Variants in CTNNA2 observed in about 807,000 individuals in gnomAD.
CTNNA2 encodes the protein catenin alpha-2.
In CTNNA2, 42 loss-of-function variants were observed where a neutral mutation model predicts 101.0. The ratio of observed to expected loss-of-function variants is 0.42; its 90% CI spans 0.32 to 0.54. The LOEUF is 0.54. Among genes scored for constraint, CTNNA2 ranks in the 20% least tolerant of loss-of-function variants. CTNNA2 has a pLI of 0.14. For synonymous variants in CTNNA2, 450 were observed against 456.4 expected, an observed-to-expected ratio of 0.99 and a Z score of 0.18; for missense variants, 871 against 1,223.1, an observed-to-expected ratio of 0.71 and a Z score of 4.29.
At chr2:79,616,254 A>G (rs943302759) in intron 1 of CTNNA2, among the ~76,000 whole-genome samples, 1 of 152,170 alleles carries the variant, frequency 6.6e-6, no homozygotes, top group Non-Finnish European at 1.5e-5. Flanking sequence ...TTAAAGTAGC[A>G]ATTCAATATG....
chr2:79,329,939 A>C (rs1317101143), intron 3 of CTNNA2, among the ~76,000 whole-genome samples: 1 of 152,158 alleles, frequency 6.6e-6, no homozygotes, highest in Non-Finnish European at 1.5e-5. Context: ...TTGCCCCAGC[A>C]GGGTGGGTGC....
chr2:79,910,287 T>G (rs1371806705), intron 7 of CTNNA2, among the ~76,000 whole-genome samples: 1 of 152,098 alleles, frequency 6.6e-6, no homozygotes, highest in Non-Finnish European at 1.5e-5. Context: ...GTAGTAAAAT[T>G]TGGAGGTGTT....
intron 3 of CTNNA2, among the ~76,000 whole-genome samples, chr2:79,320,435 T>G: frequency 7.2e-6 from 1 of 139,132 alleles, no homozygotes; most frequent in South Asian, 2.4e-4. Flanking sequence ...TTTATTGTAC[T>G]TCTAACCAAC....
chr2:79,800,213 C>T (rs957370235), intron 3 of CTNNA2, among the ~76,000 whole-genome samples: 2 of 152,076 alleles, frequency 1.3e-5, no homozygotes, highest in African/African-American at 2.4e-5. Context: ...AGAGATTTTA[C>T]GGTAGTTTGG....
chr2:80,259,010 A>G (rs1335320485), intron 7 of CTNNA2, among the ~76,000 whole-genome samples: 3 of 152,122 alleles, frequency 2.0e-5, no homozygotes, highest in Non-Finnish European at 4.4e-5. Flanking sequence ...TAGTAGAATT[A>G]TCAGTGTCAA....
chr2:80,062,176 T>A (rs1697641847), intron 7 of CTNNA2, among the ~76,000 whole-genome samples: 1 of 152,258 alleles, frequency 6.6e-6, no homozygotes, highest in South Asian at 2.1e-4. Context: ...AATGGTCCTT[T>A]TAATTCCTGT....
chr2:80,473,856 T>C (rs888112130), intron 9 of CTNNA2, among the ~76,000 whole-genome samples: 1 of 152,222 alleles, frequency 6.6e-6, no homozygotes, highest in African/African-American at 2.4e-5. Context: ...GTTTGTTTTT[T>C]GTCTTTGTGT....
chr2:79,705,338 A>G (rs1685284050), intron 2 of CTNNA2, among the ~76,000 whole-genome samples: 1 of 152,222 alleles, frequency 6.6e-6, no homozygotes, highest in African/African-American at 2.4e-5. Flanking sequence ...CCACATTTAC[A>G]TAATTTTTAT....
At chr2:80,589,072 C>T (rs1183932564) in intron 14 of CTNNA2, among the ~76,000 whole-genome samples, 2 of 152,072 alleles carry the variant, frequency 1.3e-5, no homozygotes, top group Non-Finnish European at 2.9e-5. Context: ...GCGCACGTAG[C>T]TTTGGATATC....
chr2:79,932,345 T>G (rs1339275790), intron 7 of CTNNA2, among the ~76,000 whole-genome samples: 1 of 152,098 alleles, frequency 6.6e-6, no homozygotes, highest in Non-Finnish European at 1.5e-5. Context: ...GAAAGCTAAC[T>G]GTGTGATGGA....
intron 1 of CTNNA2, among the ~76,000 whole-genome samples, chr2:79,522,170 A>T (rs994372498): frequency 6.6e-6 from 1 of 152,134 alleles, no homozygotes; most frequent in Non-Finnish European, 1.5e-5. Context: ...TAGGAGCCGC[A>T]CCTTCCATTT....
intron 1 of CTNNA2, among the ~76,000 whole-genome samples, chr2:79,640,692 T>C (rs1206592227): frequency 1.3e-5 from 2 of 152,188 alleles, no homozygotes; most frequent in African/African-American, 2.4e-5. Context: ...ATTGAAAAGA[T>C]AAAGAATTGA....
intron 4 of CTNNA2, among the ~76,000 whole-genome samples, chr2:79,869,267 TTGC>T (rs1682393118): frequency 6.6e-6 from 1 of 152,164 alleles, no homozygotes; most frequent in African/African-American, 2.4e-5. Context: ...TCAAATTCAC[TTGC>T]TTTCAAGGAA....
intron 2 of CTNNA2, among the ~76,000 whole-genome samples, chr2:79,294,214 GGAAGAAGAA>G (rs755348814): frequency 6.8e-6 from 1 of 147,450 alleles, no homozygotes; most frequent in East Asian, 2.0e-4. Flanking sequence ...AAGAAGAAGA[GGAAGAAGAA>G]GAAGAAGAAG....
At chr2:79,575,943 C>T (rs1303408786) in intron 1 of CTNNA2, among the ~76,000 whole-genome samples, 1 of 152,180 alleles carries the variant, frequency 6.6e-6, no homozygotes, top group Non-Finnish European at 1.5e-5. Context: ...TTAACTATCT[C>T]TCAGGACTGC....
intron 7 of CTNNA2, among the ~76,000 whole-genome samples, chr2:80,196,434 G>T (rs1407786763): frequency 6.6e-6 from 1 of 152,132 alleles, no homozygotes; most frequent in Non-Finnish European, 1.5e-5. Flanking sequence ...TACCTTATCT[G>T]TAGTCACAGA....
chr2:80,280,573 G>A (rs1340751030), intron 7 of CTNNA2, among the ~76,000 whole-genome samples: 1 of 151,930 alleles, frequency 6.6e-6, no homozygotes, highest in African/African-American at 2.4e-5. Flanking sequence ...TTTACAGCCT[G>A]ATATAGATCT....
At chr2:80,009,815 G>A (rs1693645756) in intron 7 of CTNNA2, among the ~76,000 whole-genome samples, 1 of 151,738 alleles carries the variant, frequency 6.6e-6, no homozygotes, top group Non-Finnish European at 1.5e-5. Context: ...ATTATTTACA[G>A]TCTAACTTCT....
In CTNNA2 at chr2:79,773,642, T is replaced by C. The variant is rs371870119; in HGVS notation, c.298+29060T>C. ...TCCAGCATAAATTTTCCTTTTAGCTTAGTGATTTTGGGGGCTCAAGATGTT... is the reference window on the plus strand; with the variant it reads ...TCCAGCATAAATTTTCCTTTTAGCTCAGTGATTTTGGGGGCTCAAGATGTT... On this transcript the variant is annotated intron_variant, in intron 3 of 18. Transcript: ENST00000402739. Among the ~76,000 whole-genome samples, 6 of 152,216 alleles carry C rather than the reference T, an allele frequency of 3.9e-5. No homozygotes were observed. In the East Asian group the frequency reaches 9.7e-4, roughly 25 times the overall value.
Sources: gnomAD v4.1 joint callset for allele counts (sites outside exome capture counted in the v4.1 genomes callset) on GRCh38, gnomAD v4.1.1 for gene constraint, MANE v1.5 for transcripts, NCBI Gene and HGNC (gene_info 2026-07-23, HGNC 2026-07-21) for gene names.